The following FAM149A variants were observed in gnomAD, a reference collection of about 807,000 sequenced individuals.
The protein encoded by FAM149A is protein FAM149A.
In FAM149A, 71 loss-of-function variants were observed where a neutral mutation model predicts 78.2. That is an observed-to-expected ratio of 0.91 (90% CI 0.75 to 1.11). The LOEUF (loss-of-function observed/expected upper bound fraction) is 1.11. Ranked by LOEUF, FAM149A falls within the 50% of genes least tolerant of loss-of-function variation. FAM149A has a pLI of 0.00. For synonymous variants in FAM149A, 446 were observed against 410.5 expected (o/e 1.09, Z -1.04); for missense variants, 1,036 against 971.0 (o/e 1.07, Z -0.89).
intron 1 of FAM149A, among the ~76,000 whole-genome samples, chr4:186,136,958 C>G (rs375681771): frequency 1.9e-5 from 2 of 103,184 alleles, no homozygotes; most frequent in African/African-American, 4.4e-5. Flanking sequence ...CTCTCTCTCT[C>G]TCTCTTTCTC....
chr4:186,170,977 T>G (rs1180253806), intron 13 of FAM149A: 1 of 152,324 alleles, frequency 6.6e-6, no homozygotes, highest in African/African-American at 2.4e-5. Context: ...ATAAGCAGGA[T>G]CCTCATAAAG....
At chr4:186,121,118 G>A (rs542662197) in intron 1 of FAM149A, among the ~76,000 whole-genome samples, 1 of 151,868 alleles carries the variant, frequency 6.6e-6, no homozygotes, top group East Asian at 1.9e-4. Flanking sequence ...TTATAATTAT[G>A]TTTCTTGTAA....
At chr4:186,118,711 T>C (rs1281660384) in intron 1 of FAM149A, among the ~76,000 whole-genome samples, 1 of 152,166 alleles carries the variant, frequency 6.6e-6, no homozygotes, top group Non-Finnish European at 1.5e-5. Context: ...TCAGATAGTA[T>C]CCTCTGATTG....
At chr4:186,169,642 G>C (rs2126555561) in intron 13 of FAM149A, 1 of 985,456 alleles carries the variant, frequency 1.0e-6, no homozygotes, top group African/African-American at 1.7e-5. Flanking sequence ...TTAAAAACCA[G>C]AGTGGATTCA....
intron 1 of FAM149A, chr4:186,127,257 C>T (rs1343127151): frequency 1.0e-6 from 1 of 971,942 alleles, no homozygotes; most frequent in Admixed American, 6.2e-5. Flanking sequence ...CAAATCTCAA[C>T]TCAGAGCTTC....
chr4:186,137,793 T>A (rs1387819546), intron 1 of FAM149A, among the ~76,000 whole-genome samples: 3 of 151,946 alleles, frequency 2.0e-5, no homozygotes, highest in Non-Finnish European at 4.4e-5. Context: ...TTATTGCAAT[T>A]TCCTGGACTC....
chr4:186,130,596 C>T (rs2099320403), intron 1 of FAM149A, among the ~76,000 whole-genome samples: 1 of 151,360 alleles, frequency 6.6e-6, no homozygotes. Flanking sequence ...TGGACTCAAG[C>T]GATCCACCCA....
chr4:186,140,970 C>A (rs1264942117), intron 1 of FAM149A, among the ~76,000 whole-genome samples: 1 of 152,192 alleles, frequency 6.6e-6, no homozygotes, highest in Non-Finnish European at 1.5e-5. Context: ...AGTTGGAGAT[C>A]CAGGAGAGCC....
intron 1 of FAM149A, among the ~76,000 whole-genome samples, chr4:186,147,857 G>A (rs937426261): frequency 6.6e-6 from 1 of 152,050 alleles, no homozygotes; most frequent in East Asian, 1.9e-4. Flanking sequence ...TCTTTTCTCT[G>A]GGGCCCTTTC....
chr4:186,109,040 G>T (rs977102283), intron 1 of FAM149A: 12 of 184,670 alleles, frequency 6.5e-5, no homozygotes, highest in Non-Finnish European at 1.2e-4. Context: ...GTAGAGAAGG[G>T]GTTTCACCAT....
chr4:186,166,901 G>A (rs181362674), intron 11 of FAM149A, 67 bp from the exon 12 acceptor site: 41 of 1,511,258 alleles, frequency 2.7e-5, no homozygotes, highest in Middle Eastern at 1.7e-4. Flanking sequence ...TGAGCATGTC[G>A]AGATTTTCTT....
intron 1 of FAM149A, among the ~76,000 whole-genome samples, chr4:186,128,886 G>GT (rs1321218205): frequency 1.3e-5 from 2 of 151,892 alleles, no homozygotes; most frequent in Non-Finnish European, 2.9e-5. Context: ...GTGTATGGGT[G>GT]TGTATGTGTG....
chr4:186,105,022 C>T lies in FAM149A; in HGVS notation c.-55C>T. 8.0e-7 allele frequency: 1 copy of T among 1,254,496 alleles called. No homozygotes were observed. The highest frequency in any genetic ancestry group is 1.0e-6 in the Non-Finnish European group (1 of 973,938). 77.7% of individuals were successfully genotyped at this position (1,254,496 alleles called of 1,614,324 possible). On this transcript the variant is annotated 5_prime_UTR_variant, in exon 1 of 14. Coordinates refer to ENST00000389354, the MANE Select transcript of FAM149A (RefSeq NM_001367768.3). ...CCGGCCCGGGCCGCCTCGGCCGGAT[C>T]TCCGCGGTCTGAACTCTCGGGCGGC...
intron 13 of FAM149A, chr4:186,171,178 T>G (rs1382494403): frequency 6.5e-6 from 1 of 152,750 alleles, no homozygotes; most frequent in East Asian, 1.9e-4. Context: ...GCTCCTGCCT[T>G]CCTCCCAGCC....
chr4:186,146,622 G>A, intron 1 of FAM149A: 3 of 762,588 alleles, frequency 3.9e-6, no homozygotes, highest in Non-Finnish European at 4.8e-6. Flanking sequence ...CTTCAAAGTT[G>A]CACAAAAGCA....
intron 1 of FAM149A, among the ~76,000 whole-genome samples, chr4:186,108,556 G>GTT (rs3081220): frequency 0.11 from 16,190 of 152,004 alleles, 959 homozygotes; most frequent in South Asian, 0.13. Context: ...CAAGAATTCC[G>GTT]TAAGTGAAAG....
At chr4:186,119,052 A>G (rs2099314892) in intron 1 of FAM149A, among the ~76,000 whole-genome samples, 1 of 152,166 alleles carries the variant, frequency 6.6e-6, no homozygotes, top group Non-Finnish European at 1.5e-5. Context: ...ACCATTCCAC[A>G]TATCCTTCAC....
At chr4:186,124,285 T>G (rs1579801910) in intron 1 of FAM149A, 1 of 942,412 alleles carries the variant, frequency 1.1e-6, no homozygotes, top group Non-Finnish European at 1.3e-6. Context: ...TATTATACTT[T>G]AAGTTTTAGG....
In FAM149A at chr4:186,146,710, A is replaced by T. The variant is rs1310765485; in HGVS notation, c.567-2463A>T. Reference sequence around the variant, plus strand: ...TTTGGCGGTGAAAACCATTTGGGGGAATATCAGCTGCCCAAAGAAGAGCTG... The same window carrying T: ...TTTGGCGGTGAAAACCATTTGGGGGTATATCAGCTGCCCAAAGAAGAGCTG... On this transcript the variant is annotated intron_variant, in intron 1 of 13. Coordinates refer to ENST00000389354, the MANE Select transcript of FAM149A (RefSeq NM_001367768.3). 9.4e-6 allele frequency: 8 copies of T among 852,390 alleles called. No homozygotes were observed. In the East Asian group the frequency reaches 8.6e-4, roughly 92 times the overall value. The allele number at this position is 852,390 out of a possible 1,614,324, so 52.8% of individuals were successfully genotyped here. A position where few individuals can be genotyped will look rare whatever the true frequency, so the allele number is the denominator to read the frequency against.
Sources: allele counts gnomAD v4.1 joint callset (sites outside exome capture counted in the v4.1 genomes callset), GRCh38; gene constraint gnomAD v4.1.1; transcripts MANE v1.5; gene names NCBI Gene and HGNC (gene_info 2026-07-23, HGNC 2026-07-21).